ZFHX3: variants seen among roughly 807,000 people sequenced by gnomAD.
The protein encoded by ZFHX3 is zinc finger homeobox protein 3.
In ZFHX3, 42 loss-of-function variants were observed where a neutral mutation model predicts 279.1. The ratio of observed to expected loss-of-function variants is 0.15; its 90% confidence interval spans 0.12 to 0.19. The LOEUF is 0.19. ZFHX3 is among the 10% of genes least tolerant of loss of function. The pLI is 1.00. For missense variants in ZFHX3, 4,981 were observed against 4,754.0 expected (o/e 1.05, Z -1.40); for synonymous variants, 2,293 against 1,957.8 (o/e 1.17, Z -4.52).
At chr16:72,927,605 C>T (rs1033615795) in intron 3 of ZFHX3, among the ~76,000 whole-genome samples, 4 of 152,160 alleles carry the variant, frequency 2.6e-5, no homozygotes, top group South Asian at 2.1e-4. Context: ...CCCAGCGGCC[C>T]GCGAGGGGCT....
intron 5 of ZFHX3, among the ~76,000 whole-genome samples, chr16:73,210,272 A>G (rs768039585): frequency 1.1e-4 from 17 of 152,206 alleles, no homozygotes; most frequent in Admixed American, 6.5e-5. Context: ...GCTGTGCTCT[A>G]ACACTGAGTC....
chr16:73,809,445 G>T (rs899640493), intron 1 of ZFHX3: 1 of 152,184 alleles, frequency 6.6e-6, no homozygotes, highest in Non-Finnish European at 1.5e-5. Flanking sequence ...CCTCACCTAG[G>T]TTAGAGCAGG....
intron 1 of ZFHX3, among the ~76,000 whole-genome samples, chr16:73,687,866 A>C (rs1309420825): frequency 6.7e-6 from 1 of 150,194 alleles, no homozygotes; most frequent in Non-Finnish European, 1.5e-5. Context: ...AAAAAAAAAA[A>C]AAACAGATTT....
At chr16:73,172,105 A>G (rs1597201409) in intron 5 of ZFHX3, among the ~76,000 whole-genome samples, 1 of 152,210 alleles carries the variant, frequency 6.6e-6, no homozygotes, top group East Asian at 1.9e-4. Context: ...CGGGTCCTTC[A>G]GGAAGAGTGA....
intron 3 of ZFHX3, among the ~76,000 whole-genome samples, chr16:73,411,420 C>A (rs56090848): frequency 0.29 from 44,455 of 152,046 alleles, 6,780 homozygotes; most frequent in Middle Eastern, 0.41. Context: ...AAATCTTTAT[C>A]TGTGGGAATA....
At chr16:72,903,858 G>A (rs1365952009) in intron 3 of ZFHX3, among the ~76,000 whole-genome samples, 1 of 152,150 alleles carries the variant, frequency 6.6e-6, no homozygotes, top group African/African-American at 2.4e-5. Flanking sequence ...ACTATGCAGA[G>A]ACCCAGCTCA....
chr16:73,135,455 C>G (rs1049092327), intron 6 of ZFHX3, among the ~76,000 whole-genome samples: 5 of 152,080 alleles, frequency 3.3e-5, no homozygotes, highest in Admixed American at 3.3e-4. Context: ...TGAGACTGTC[C>G]CTTATCCAAG....
chr16:72,848,037 A>T (rs2037522601), intron 4 of ZFHX3, among the ~76,000 whole-genome samples: 1 of 152,146 alleles, frequency 6.6e-6, no homozygotes, highest in African/African-American at 2.4e-5. Flanking sequence ...TTCCCAGAAT[A>T]AACTGCCCCA....
chr16:73,539,431 T>C (rs1299109427), intron 2 of ZFHX3, among the ~76,000 whole-genome samples: 14 of 126,318 alleles, frequency 1.1e-4, no homozygotes, highest in African/African-American at 4.4e-4. Context: ...CTTCCTCTTC[T>C]TCTTTTTTTT....
intron 4 of ZFHX3, among the ~76,000 whole-genome samples, chr16:73,296,361 CT>C (rs1173834169): frequency 1.3e-5 from 2 of 152,234 alleles, no homozygotes; most frequent in Admixed American, 1.3e-4. Context: ...GATGGGAGAA[CT>C]TTAATGGGCC....
At chr16:72,804,207 C>T (rs1032820908) in intron 7 of ZFHX3, among the ~76,000 whole-genome samples, 53 of 152,270 alleles carry the variant, frequency 3.5e-4, no homozygotes, top group African/African-American at 1.1e-3. Flanking sequence ...TCCAAAATAA[C>T]ACAGTTGAAA....
At chr16:73,733,699 G>A (rs779239170) in intron 1 of ZFHX3, among the ~76,000 whole-genome samples, 13 of 152,160 alleles carry the variant, frequency 8.5e-5, no homozygotes, top group South Asian at 2.1e-4. Context: ...TTTTAGTTGC[G>A]TTTTGTTCAA....
At chr16:72,923,236 G>T (rs1959243790) in intron 3 of ZFHX3, among the ~76,000 whole-genome samples, 1 of 152,090 alleles carries the variant, frequency 6.6e-6, no homozygotes, top group Non-Finnish European at 1.5e-5. Context: ...TCGAGCCCAG[G>T]AGTTTAACAC....
upstream of ZFHX3, among the ~76,000 whole-genome samples, chr16:73,051,797 GCTCT>G (rs148282172): frequency 0.044 from 6,684 of 152,120 alleles, 483 homozygotes; most frequent in African/African-American, 0.15. Context: ...TAGGTAAAGA[GCTCT>G]CTCTCTCTTT....
intron 8 of ZFHX3, among the ~76,000 whole-genome samples, chr16:73,085,117 T>C (rs114179412): frequency 0.01 from 1,576 of 152,238 alleles, 21 homozygotes; most frequent in African/African-American, 0.03. Context: ...CTGGAGGCAC[T>C]GCACTACCTG....
Position 73,054,442 on chromosome 16 carries a change from ATTTTTTTTT to A in ZFHX3, c.-24+4079_-24+4087del, listed in dbSNP as rs34141418. Among the ~76,000 whole-genome samples the A allele has an allele frequency of 2.8e-4, 26 of 91,928 alleles. 1 individual carries two copies. The Middle Eastern group carries it at 0.018, about 63-fold the overall frequency. The allele number at this position is 91,928 out of a possible 152,430, so 60.3% of individuals were successfully genotyped here. A position where few individuals can be genotyped will look rare whatever the true frequency, so the allele number is the denominator to read the frequency against. ...GGAGGTCGGTATGGAAACCAGGAGG[ATTTTTTTTT>A]TTTTTTTTTTTTTTTTTAGGAAATC... is the stretch of plus-strand genomic sequence containing the variant. On this transcript the variant is annotated intron_variant, in intron 1 of 8. Coordinates refer to the ZFHX3 transcript ENST00000397992.
intron 2 of ZFHX3, among the ~76,000 whole-genome samples, chr16:73,470,079 T>A (rs987002873): frequency 5.3e-5 from 8 of 152,204 alleles, no homozygotes; most frequent in African/African-American, 1.9e-4. Context: ...GGCACCGAAA[T>A]GCAGATTCTT....
intron 5 of ZFHX3, among the ~76,000 whole-genome samples, chr16:73,180,653 T>G (rs1967769581): frequency 6.6e-6 from 1 of 152,106 alleles, no homozygotes; most frequent in South Asian, 2.1e-4. Context: ...ACTTGCTTAC[T>G]GTCATTCTGC....
chr16:73,683,128 TTG>T (rs2053044376), intron 1 of ZFHX3, among the ~76,000 whole-genome samples: 1 of 152,192 alleles, frequency 6.6e-6, no homozygotes, highest in Non-Finnish European at 1.5e-5. Context: ...TATTATACTT[TTG>T]TCTAGTAAAG....
Sources: gnomAD v4.1 joint callset for allele counts (sites outside exome capture counted in the v4.1 genomes callset) on GRCh38, gnomAD v4.1.1 for gene constraint, MANE v1.5 for transcripts, NCBI Gene and HGNC (gene_info 2026-07-23, HGNC 2026-07-21) for gene names.